The following SH3PXD2A variants were observed in gnomAD, a reference collection of about 807,000 sequenced individuals.
The protein encoded by SH3PXD2A is SH3 and PX domains 2A, also known as SH3 and PX domain-containing protein 2A.
In SH3PXD2A, 32 loss-of-function variants were observed where a neutral mutation model predicts 115.2. That is an observed-to-expected ratio of 0.28 (90% CI 0.21 to 0.37). The LOEUF (loss-of-function observed/expected upper bound fraction) is 0.37. Ranked by LOEUF, SH3PXD2A falls within the 10% of genes least tolerant of loss-of-function variation. The pLI, the probability that SH3PXD2A is intolerant of heterozygous loss-of-function variation, is 1.00. For missense variants in SH3PXD2A, 1,328 were observed against 1,498.7 expected (o/e 0.89, Z 1.88); for synonymous variants, 610 against 629.1 (o/e 0.97, Z 0.45).
chr10:103,677,064 A>T (rs562302731), intron 6 of SH3PXD2A, among the ~76,000 whole-genome samples: 1 of 152,346 alleles, frequency 6.6e-6, no homozygotes, highest in South Asian at 2.1e-4. Context: ...TCCCTGGCTC[A>T]GTCTCCCTGA....
chr10:103,621,262 C>T (rs542586007), intron 10 of SH3PXD2A, among the ~76,000 whole-genome samples: 9 of 152,308 alleles, frequency 5.9e-5, no homozygotes, highest in South Asian at 2.1e-4. Context: ...TCTCCTTTGC[C>T]GCCAAGGCTT....
intron 4 of SH3PXD2A, among the ~76,000 whole-genome samples, chr10:103,733,687 T>C (rs1349648840): frequency 6.6e-6 from 1 of 152,274 alleles, no homozygotes; most frequent in East Asian, 1.9e-4. Flanking sequence ...TAATGAAGAC[T>C]ACATTGTCTT....
At chr10:103,853,111 C>A (rs1165480925) in intron 1 of SH3PXD2A, among the ~76,000 whole-genome samples, 3 of 152,308 alleles carry the variant, frequency 2.0e-5, no homozygotes, top group South Asian at 2.1e-4. Flanking sequence ...CCTGCCCCCC[C>A]AAACATAATG....
chr10:103,601,595 A>C lies in SH3PXD2A; in HGVS notation c.*221T>G. 87 of 440,342 alleles carry C rather than the reference A, an allele frequency of 2.0e-4. No homozygotes were observed. The highest frequency in any genetic ancestry group is 2.7e-4 in the East Asian group (6 of 22,620). 27.3% of individuals were successfully genotyped at this position (440,342 alleles called of 1,614,324 possible). ...TCCCAGGCCTGGGACTCCCTGGTCC[A>C]TTCCCTTCCTCACTCAGTGTGGGCA... On this transcript the variant is annotated 3_prime_UTR_variant, in exon 15 of 15. Transcript: ENST00000369774.
intron 1 of SH3PXD2A, among the ~76,000 whole-genome samples, chr10:103,826,169 G>A (rs1255259922): frequency 6.6e-6 from 1 of 152,016 alleles, no homozygotes; most frequent in Non-Finnish European, 1.5e-5. Context: ...TCACAAATTG[G>A]CCTGCTTTGC....
At chr10:103,804,397 T>C (rs942882475) in intron 1 of SH3PXD2A, among the ~76,000 whole-genome samples, 8 of 148,642 alleles carry the variant, frequency 5.4e-5, no homozygotes, top group African/African-American at 1.5e-4. Flanking sequence ...TCTCGGCTCA[T>C]TGTGACCTCC....
chr10:103,653,576 C>A (rs560128814), intron 8 of SH3PXD2A, among the ~76,000 whole-genome samples: 1 of 152,324 alleles, frequency 6.6e-6, no homozygotes, highest in African/African-American at 2.4e-5. Flanking sequence ...AGTAGGTCCA[C>A]AGAGTCAGGC....
At chr10:103,718,189 T>C (rs1159665949) in intron 5 of SH3PXD2A, among the ~76,000 whole-genome samples, 1 of 142,772 alleles carries the variant, frequency 7.0e-6, no homozygotes, top group Non-Finnish European at 1.5e-5. Flanking sequence ...TTCTTTTTTC[T>C]TTTTTTTGTA....
chr10:103,802,818 A>G (rs111793396), intron 1 of SH3PXD2A, among the ~76,000 whole-genome samples: 4,406 of 152,220 alleles, frequency 0.029, 201 homozygotes, highest in African/African-American at 0.096. Flanking sequence ...GGCCGGGGGC[A>G]GGCTTCATAA....
chr10:103,693,051 T>A lies in SH3PXD2A; in HGVS notation c.404A>T (p.Tyr135Phe). The A allele has an allele frequency of 6.2e-7, 1 of 1,610,270 alleles. No homozygotes were observed. Among genetic ancestry groups the A allele is most frequent in the Non-Finnish European group, 8.5e-7 (1 of 1,177,632 alleles). Reference protein sequence around the residue: ...PEDVNPPKEDYGSSKRKSVWL... With the variant: ...PEDVNPPKEDFGSSKRKSVWL... Reference sequence around the variant, plus strand: ...ACCTGATTTCCTCTTGGAACTGCCATAGTCCCTGAAAAAGAAGCAACAACA... The same window carrying A: ...ACCTGATTTCCTCTTGGAACTGCCAAAGTCCCTGAAAAAGAAGCAACAACA... Residue 135 changes from tyrosine to phenylalanine, a missense_variant, in exon 6 of 15, where the codon TAT (tyrosine) becomes TTT (phenylalanine). Transcript: ENST00000369774.
intron 4 of SH3PXD2A, among the ~76,000 whole-genome samples, chr10:103,732,683 T>C (rs764800382): frequency 5.9e-5 from 9 of 152,166 alleles, no homozygotes; most frequent in African/African-American, 2.2e-4. Flanking sequence ...TTGGGTGCAT[T>C]TGAATTCCCA....
rs61425206 is a variant in SH3PXD2A at position 103,643,103 on chromosome 10, A to G, written c.605-15901T>C. Among the ~76,000 whole-genome samples the G allele has an allele frequency of 8.4e-3, 1,281 of 152,288 alleles. 19 individuals carry two copies. The highest frequency in any genetic ancestry group is 0.03 in the African/African-American group (1,240 of 41,536). On this transcript the variant is annotated intron_variant, in intron 8 of 14. Coordinates refer to ENST00000369774, the MANE Select transcript of SH3PXD2A (RefSeq NM_001394015.1). Reference sequence around the variant, plus strand: ...AATTTTAAATAGAGGGCTTGCAAAAATCCAGTACCGCCTGACGTTAGCAGC... The same window carrying G: ...AATTTTAAATAGAGGGCTTGCAAAAGTCCAGTACCGCCTGACGTTAGCAGC...
At chr10:103,853,698 GTTGGAAACGCACCTGCCT>G (rs1226683686) in intron 1 of SH3PXD2A, among the ~76,000 whole-genome samples, 1 of 152,208 alleles carries the variant, frequency 6.6e-6, no homozygotes, top group East Asian at 1.9e-4. Flanking sequence ...AAAATCCAGA[GTTGGAAACGCACCTGCCT>G]GGGTCTCAGA....
chr10:103,849,565 A>G (rs1035040437), intron 1 of SH3PXD2A, among the ~76,000 whole-genome samples: 3 of 151,742 alleles, frequency 2.0e-5, no homozygotes, highest in African/African-American at 7.3e-5. Context: ...TCCTCATGTG[A>G]CCCCCATCCC....
intron 1 of SH3PXD2A, among the ~76,000 whole-genome samples, chr10:103,802,451 A>G (rs1171775827): frequency 6.6e-6 from 1 of 152,230 alleles, no homozygotes; most frequent in Non-Finnish European, 1.5e-5. Flanking sequence ...CCAAGTCTCC[A>G]TCAGGCTCTG....
intron 8 of SH3PXD2A, among the ~76,000 whole-genome samples, chr10:103,658,565 C>A (rs2037244638): frequency 6.6e-6 from 1 of 152,176 alleles, no homozygotes. Flanking sequence ...CCCCTCCACC[C>A]ACTTCATTTC....
chr10:103,720,771 T>A (rs528988473), intron 5 of SH3PXD2A, among the ~76,000 whole-genome samples: 52 of 152,258 alleles, frequency 3.4e-4, no homozygotes, highest in African/African-American at 1.2e-3. Context: ...GGCACTAGGC[T>A]GACACGTCGG....
chr10:103,724,188 C>T (rs2038213567), intron 5 of SH3PXD2A, 82 bp downstream of exon 5: 2 of 643,358 alleles, frequency 3.1e-6, no homozygotes, highest in Non-Finnish European at 5.0e-6. Context: ...CTTGTGTTCC[C>T]ACAGCCTCAG....
intron 5 of SH3PXD2A, among the ~76,000 whole-genome samples, chr10:103,719,959 A>T (rs1463183674): frequency 6.6e-6 from 1 of 152,134 alleles, no homozygotes; most frequent in East Asian, 1.9e-4. Context: ...ACCTCAGGTG[A>T]TCCACCCGCC....
Sources: allele counts gnomAD v4.1 joint callset (sites outside exome capture counted in the v4.1 genomes callset), GRCh38; gene constraint gnomAD v4.1.1; transcripts MANE v1.5; gene names NCBI Gene and HGNC (gene_info 2026-07-23, HGNC 2026-07-21).